Variants in VWA8 observed in about 807,000 individuals in gnomAD.
VWA8 encodes von Willebrand factor A domain containing 8.
Under a neutral mutation model 241.5 loss-of-function variants are expected in VWA8, and 221 were observed. That is an observed-to-expected ratio of 0.91 (90% CI 0.82 to 1.02). The LOEUF is 1.02. Ranked by LOEUF, VWA8 falls within the 50% of genes least tolerant of loss-of-function variation. The probability of loss-of-function intolerance (pLI) is 0.00; values close to 1 mark genes in which losing one functional copy is unlikely to be tolerated. For missense variants in VWA8, 2,322 were observed against 2,328.7 expected, an observed-to-expected ratio of 1.00 and a Z score of 0.06; for synonymous variants, 852 against 827.1, an observed-to-expected ratio of 1.03 and a Z score of -0.52.
At chr13:41,749,659 G>T (rs2045638797) in intron 21 of VWA8, among the ~76,000 whole-genome samples, 1 of 152,096 alleles carries the variant, frequency 6.6e-6, no homozygotes, top group African/African-American at 2.4e-5. Context: ...TATACACCAT[G>T]GAATACTATG....
At chr13:41,945,267 C>G (rs920959805) in intron 2 of VWA8, among the ~76,000 whole-genome samples, 1 of 151,440 alleles carries the variant, frequency 6.6e-6, no homozygotes, top group African/African-American at 2.4e-5. Flanking sequence ...AAGAAATAGA[C>G]TAGGAACATC....
intron 2 of VWA8, among the ~76,000 whole-genome samples, chr13:41,916,405 T>A (rs1481705923): frequency 6.6e-6 from 1 of 152,254 alleles, no homozygotes; most frequent in Admixed American, 6.5e-5. Flanking sequence ...TCCCTACAAG[T>A]GTGGACCTCT....
At chr13:41,829,021 C>A (rs147680189) in intron 14 of VWA8, among the ~76,000 whole-genome samples, 1 of 152,018 alleles carries the variant, frequency 6.6e-6, no homozygotes, top group African/African-American at 2.4e-5. Flanking sequence ...GGAGGATGAG[C>A]CCAGTTAATT....
intron 2 of VWA8, among the ~76,000 whole-genome samples, chr13:41,913,687 G>A (rs930084696): frequency 6.6e-6 from 1 of 152,158 alleles, no homozygotes; most frequent in Non-Finnish European, 1.5e-5. Flanking sequence ...GGAAGATCAA[G>A]GACAAGGTTT....
intron 21 of VWA8, among the ~76,000 whole-genome samples, chr13:41,736,010 G>A (rs1354292863): frequency 1.3e-5 from 2 of 152,124 alleles, no homozygotes; most frequent in Admixed American, 6.6e-5. Context: ...CTTGTGAATT[G>A]TTCCTCTCAA....
intron 2 of VWA8, among the ~76,000 whole-genome samples, chr13:41,922,818 T>C (rs375275579): frequency 5.3e-5 from 8 of 152,318 alleles, no homozygotes; most frequent in Admixed American, 2.0e-4. Flanking sequence ...GAAATAGGAA[T>C]ACTTTTACAC....
intron 37 of VWA8, among the ~76,000 whole-genome samples, chr13:41,637,111 C>A (rs1397597540): frequency 6.6e-6 from 1 of 151,208 alleles, no homozygotes; most frequent in Non-Finnish European, 1.5e-5. Flanking sequence ...AAGACACATG[C>A]ACAGGTATGT....
intron 17 of VWA8, 75 bp from the exon 18 acceptor site, chr13:41,787,618 A>T (rs1869264948): frequency 1.3e-6 from 1 of 763,346 alleles, no homozygotes; most frequent in Admixed American, 2.1e-5. Context: ...ACACACACAC[A>T]CACACACACA....
At chr13:41,715,213 C>T (rs1374876217) in intron 26 of VWA8, among the ~76,000 whole-genome samples, 1 of 151,814 alleles carries the variant, frequency 6.6e-6, no homozygotes, top group Non-Finnish European at 1.5e-5. Flanking sequence ...ATAAATGTTT[C>T]TATTACCATC....
intron 21 of VWA8, among the ~76,000 whole-genome samples, chr13:41,754,955 C>T (rs187234511): frequency 1.4e-4 from 22 of 151,910 alleles, no homozygotes; most frequent in Admixed American, 9.2e-4. Flanking sequence ...TTTTTATGGC[C>T]GAATAGTACT....
chr13:41,644,038 A>G lies in VWA8; in HGVS notation c.4611+26908T>C, dbSNP rs2044814348. Among the ~76,000 whole-genome samples the G allele has an allele frequency of 2.0e-5, 3 of 152,090 alleles. No homozygotes were observed. The South Asian group carries it at 6.2e-4, about 32-fold the overall frequency. ...TTTCTTATTATAGGTAAAACCCAGT[A>G]TCTTTCTCCTGTTAAGTTCATACAG... is the stretch of plus-strand genomic sequence containing the variant. On this transcript the variant is annotated intron_variant, in intron 37 of 44. Coordinates refer to ENST00000379310, the MANE Select transcript of VWA8 (RefSeq NM_015058.2).
intron 40 of VWA8, among the ~76,000 whole-genome samples, chr13:41,603,159 T>C (rs1323127011): frequency 6.6e-6 from 1 of 152,190 alleles, no homozygotes; most frequent in African/African-American, 2.4e-5. Flanking sequence ...TTTCCATGCA[T>C]TTAATCTTAC....
intron 8 of VWA8, among the ~76,000 whole-genome samples, chr13:41,885,113 C>T (rs1874459906): frequency 6.6e-6 from 1 of 152,182 alleles, no homozygotes; most frequent in African/African-American, 2.4e-5. Flanking sequence ...TTAATATTGT[C>T]TGATAAGCCA....
At chr13:41,788,259 T>C (rs2137944283) in intron 17 of VWA8, among the ~76,000 whole-genome samples, 1 of 152,302 alleles carries the variant, frequency 6.6e-6, no homozygotes, top group Non-Finnish European at 1.5e-5. Context: ...AATTAACCAC[T>C]ATGTGATATA....
chr13:41,634,930 G>A (rs528325016), intron 37 of VWA8, among the ~76,000 whole-genome samples: 2 of 152,136 alleles, frequency 1.3e-5, no homozygotes, highest in Non-Finnish European at 2.9e-5. Context: ...AAGGCAGCTT[G>A]ATGTCATGGA....
chr13:41,960,854 T>G lies in VWA8; in HGVS notation c.162A>C (p.Thr54=). ...RLLHAGSGAD[T]GDTVNIGDVS... is the part of the protein sequence containing the mutation. ...GGACAGGGGCGCACCCCGAGTTACC[T>G]GTGTCGGCCCCCGAGCCGGCGTGCA... The change falls in exon 1 of 45, where the codon ACA becomes ACC. Residue 54 remains threonine, a splice_region_variant and synonymous_variant. Transcript: ENST00000379310. The G allele has an allele frequency of 1.3e-6, 2 of 1,517,670 alleles. No homozygotes were observed. Among genetic ancestry groups the G allele is most frequent in the African/African-American group, 2.9e-5 (2 of 70,166 alleles). 94.0% of individuals were successfully genotyped at this position (1,517,670 alleles called of 1,614,324 possible).
rs187105611 is a variant in VWA8, at chr13:41,793,918, G to A, written c.2064-6375C>T. Among the ~76,000 whole-genome samples the A allele has an allele frequency of 2.7e-4, 41 of 152,272 alleles. No individual in the cohort carries two copies. The East Asian group carries it at 5.8e-3, about 21-fold the overall frequency. On this transcript the variant is annotated intron_variant, in intron 17 of 44. Transcript: ENST00000379310. Reference sequence around the variant, plus strand: ...AGGGAATCCTTTCCCCATTGTTTTCGTCAGGTTTGTCAAAGATCAGGTGGT... The same window carrying A: ...AGGGAATCCTTTCCCCATTGTTTTCATCAGGTTTGTCAAAGATCAGGTGGT...
chr13:41,767,489 C>T (rs1158451832), intron 20 of VWA8, among the ~76,000 whole-genome samples: 2 of 152,178 alleles, frequency 1.3e-5, no homozygotes, highest in East Asian at 3.8e-4. Flanking sequence ...TAAGAGATCA[C>T]TGCTAATGAT....
chr13:41,930,312 C>T (rs4941412), intron 2 of VWA8, among the ~76,000 whole-genome samples: 29,132 of 152,080 alleles, frequency 0.19, 3,580 homozygotes, highest in East Asian at 0.37. Context: ...AACAATGTGG[C>T]CATTTCTAAA....
Sources: gnomAD v4.1 joint callset for allele counts (sites outside exome capture counted in the v4.1 genomes callset) on GRCh38, gnomAD v4.1.1 for gene constraint, MANE v1.5 for transcripts, NCBI Gene and HGNC (gene_info 2026-07-23, HGNC 2026-07-21) for gene names.